Variants in MCTP1 observed in about 807,000 individuals in gnomAD.
MCTP1 encodes multiple C2 and transmembrane domain containing 1.
Under a neutral mutation model 120.6 loss-of-function variants are expected in MCTP1, and 69 were observed. The ratio of observed to expected loss-of-function variants is 0.57; its 90% CI spans 0.47 to 0.70. The LOEUF (loss-of-function observed/expected upper bound fraction) is 0.70, where lower values mean the gene tolerates loss of function less well. Ranked by LOEUF, MCTP1 falls within the 30% of genes least tolerant of loss-of-function variation. The pLI is 0.00. For synonymous variants in MCTP1, 529 were observed against 493.1 expected, an observed-to-expected ratio of 1.07 and a Z score of -0.96; for missense variants, 1,203 against 1,248.8, an observed-to-expected ratio of 0.96 and a Z score of 0.55.
chr5:94,850,911 A>G (rs1793558179), intron 17 of MCTP1, among the ~76,000 whole-genome samples: 1 of 152,152 alleles, frequency 6.6e-6, no homozygotes, highest in South Asian at 2.1e-4. Context: ...TGTATACTAC[A>G]TAATCCCTGA....
intron 7 of MCTP1, among the ~76,000 whole-genome samples, chr5:94,922,997 CAAAAAAAAA>C (rs202245253): frequency 0.16 from 16,349 of 99,824 alleles, 1,054 homozygotes; most frequent in Middle Eastern, 0.27. Flanking sequence ...TAAAAAGCTG[CAAAAAAAAA>C]AAAAAAAAAA....
intron 19 of MCTP1, among the ~76,000 whole-genome samples, chr5:94,717,011 T>C (rs1759635122): frequency 6.6e-6 from 1 of 152,254 alleles, no homozygotes; most frequent in Admixed American, 6.5e-5. Context: ...TAAGGAAGTG[T>C]TGTTATTGGG....
At chr5:94,738,206 T>G (rs1045973486) in intron 19 of MCTP1, among the ~76,000 whole-genome samples, 2 of 152,166 alleles carry the variant, frequency 1.3e-5, no homozygotes, top group African/African-American at 4.8e-5. Flanking sequence ...CCCCCAGAAA[T>G]TTGGCAGAAT....
intron 1 of MCTP1, chr5:95,081,640 T>C (rs1754956685): frequency 7.5e-7 from 1 of 1,330,858 alleles, no homozygotes; most frequent in East Asian, 2.7e-5. Context: ...AGCAGCGACT[T>C]GGAATGAAAG....
rs775002256 is a variant in MCTP1 at position 94,942,384 on chromosome 5, G to A, written c.1025C>T (p.Ser342Leu). ...DFGLQDDFMGSAFLDLTQLEL... is the reference protein window; with the variant it reads ...DFGLQDDFMGLAFLDLTQLEL... ...CAATTGTGTCAGATCCAGAAAGGCT[G>A]AGCCCATAAAGTCATCCTGTAGTCC... The change falls in exon 4 of 23, where the codon TCA becomes TTA. Residue 342 changes from serine to leucine, a missense_variant. Coordinates refer to ENST00000515393, the MANE Select transcript of MCTP1 (RefSeq NM_024717.7). 79 of 1,611,326 alleles carry A rather than the reference G, an allele frequency of 4.9e-5. No individual in the cohort carries two copies. The highest frequency in any genetic ancestry group is 6.4e-5 in the Non-Finnish European group (76 of 1,178,314).
intron 1 of MCTP1, among the ~76,000 whole-genome samples, chr5:95,200,661 T>G (rs1750905994): frequency 6.6e-6 from 1 of 152,148 alleles, no homozygotes; most frequent in South Asian, 2.1e-4. Context: ...AACTCATGGA[T>G]TAGGGAGATG....
chr5:94,749,522 G>T (rs1306135541), intron 19 of MCTP1, among the ~76,000 whole-genome samples: 1 of 151,964 alleles, frequency 6.6e-6, no homozygotes, highest in Non-Finnish European at 1.5e-5. Context: ...GGGCATGCTG[G>T]CATGTGCCTG....
At chr5:94,824,021 T>C (rs925701785) in intron 17 of MCTP1, among the ~76,000 whole-genome samples, 2 of 152,206 alleles carry the variant, frequency 1.3e-5, no homozygotes, top group Non-Finnish European at 2.9e-5. Flanking sequence ...CTCTTCCTAT[T>C]TGAATACGCT....
Position 95,024,678 on chromosome 5 carries a change from C to CA in MCTP1, c.721-7195_721-7194insT, listed in dbSNP as rs60289527. Reference sequence around the variant, plus strand: ...ACACACACACACACACACACACACACCCCTAAATGCCATCCCAAACTGTTA... The same window carrying CA: ...ACACACACACACACACACACACACACACCCTAAATGCCATCCCAAACTGTTA... On this transcript the variant is annotated intron_variant, in intron 1 of 22. Transcript: ENST00000515393. Among the ~76,000 whole-genome samples, 5 of 148,214 alleles carry CA rather than the reference C, an allele frequency of 3.4e-5. No individual in the cohort carries two copies. In the South Asian group the frequency reaches 8.5e-4, roughly 25 times the overall value.
At chr5:95,077,081 A>C (rs1753757026) in intron 1 of MCTP1, among the ~76,000 whole-genome samples, 1 of 152,194 alleles carries the variant, frequency 6.6e-6, no homozygotes, top group African/African-American at 2.4e-5. Context: ...AATTGTGCCA[A>C]ATAAATTTTG....
chr5:95,042,350 T>C (rs1469618897), intron 1 of MCTP1, among the ~76,000 whole-genome samples: 1 of 152,144 alleles, frequency 6.6e-6, no homozygotes, highest in East Asian at 1.9e-4. Context: ...TATGAAACCA[T>C]CAGGACTGAG....
intron 17 of MCTP1, among the ~76,000 whole-genome samples, chr5:94,828,130 G>A (rs762527966): frequency 1.3e-5 from 2 of 152,036 alleles, no homozygotes; most frequent in African/African-American, 2.4e-5. Flanking sequence ...TGGTGACTTC[G>A]GATGGAGTTT....
chr5:95,167,559 C>G (rs960082852), intron 1 of MCTP1, among the ~76,000 whole-genome samples: 2 of 152,226 alleles, frequency 1.3e-5, no homozygotes, highest in Admixed American at 6.5e-5. Flanking sequence ...TCCACATCCT[C>G]TCCAGCACCT....
At chr5:94,989,164 CA>C (rs758769516) in intron 2 of MCTP1, among the ~76,000 whole-genome samples, 11 of 152,252 alleles carry the variant, frequency 7.2e-5, no homozygotes, top group Non-Finnish European at 1.2e-4. Context: ...CTTCTGGCCT[CA>C]AGCAATCCTC....
At chr5:95,230,951 A>G (rs991593893) in intron 1 of MCTP1, among the ~76,000 whole-genome samples, 1 of 152,156 alleles carries the variant, frequency 6.6e-6, no homozygotes, top group East Asian at 1.9e-4. Flanking sequence ...GTTGCTCTTA[A>G]TAGAAGGAAC....
intron 1 of MCTP1, among the ~76,000 whole-genome samples, chr5:95,169,516 T>C (rs1016948138): frequency 6.6e-6 from 1 of 152,168 alleles, no homozygotes; most frequent in Non-Finnish European, 1.5e-5. Context: ...GCTGTGAATC[T>C]ATCTGGTCCT....
At chr5:94,751,828 G>A (rs28488671) in intron 19 of MCTP1, among the ~76,000 whole-genome samples, 3 of 151,776 alleles carry the variant, frequency 2.0e-5, no homozygotes, top group Admixed American at 2.0e-4. Flanking sequence ...AATAAGCCAC[G>A]ATTCTCGATC....
intron 1 of MCTP1, among the ~76,000 whole-genome samples, chr5:95,275,423 G>A (rs1341869343): frequency 1.3e-5 from 2 of 152,148 alleles, no homozygotes; most frequent in African/African-American, 2.4e-5. Context: ...GGTCCACCAT[G>A]GCCCCACCAA....
intron 1 of MCTP1, among the ~76,000 whole-genome samples, chr5:95,175,828 A>G (rs1747908559): frequency 6.6e-6 from 1 of 152,196 alleles, no homozygotes; most frequent in South Asian, 2.1e-4. Context: ...TGCTTCCCCC[A>G]GTGAATTCAG....
Sources: allele counts gnomAD v4.1 joint callset (sites outside exome capture counted in the v4.1 genomes callset), GRCh38; gene constraint gnomAD v4.1.1; transcripts MANE v1.5; gene names NCBI Gene and HGNC (gene_info 2026-07-23, HGNC 2026-07-21).